PABPC1: variants seen among roughly 807,000 people sequenced by gnomAD.
The protein encoded by PABPC1 is polyadenylate-binding protein 1.
A neutral mutation model predicts 74.0 loss-of-function variants in PABPC1; 4 were observed. The ratio of observed to expected loss-of-function variants is 0.05; its 90% confidence interval spans 0.03 to 0.12. The LOEUF (loss-of-function observed/expected upper bound fraction) is 0.12. Among genes scored for constraint, PABPC1 ranks in the 10% least tolerant of loss-of-function variants. The pLI, the probability that PABPC1 is intolerant of heterozygous loss-of-function variation, is 1.00. For missense variants in PABPC1, 271 were observed against 821.1 expected (o/e 0.33, Z 8.19); for synonymous variants, 227 against 264.1 (o/e 0.86, Z 1.36).
At chr8:100,713,288 C>T (rs1004793582) in intron 4 of PABPC1, 107 bp from the exon 5 acceptor site, 2 of 576,784 alleles carry the variant, frequency 3.5e-6, no homozygotes, top group Non-Finnish European at 2.9e-6. Context: ...AGCTCCGTAA[C>T]TTGACTCCTC....
chr8:100,705,709 C>T, intron 11 of PABPC1, 36 bp from the exon 12 acceptor site: 1 of 1,387,530 alleles, frequency 7.2e-7, no homozygotes, highest in Non-Finnish European at 1.0e-6. Context: ...GTTTAAAGCA[C>T]AGAAAAAGAT....
chr8:100,720,497 T>C (rs1810790789), intron 1 of PABPC1, among the ~76,000 whole-genome samples: 1 of 152,172 alleles, frequency 6.6e-6, no homozygotes, highest in Admixed American at 6.5e-5. Flanking sequence ...AAAGTAACAT[T>C]TTATAGCCAA....
chr8:100,709,288 T>C, intron 8 of PABPC1, 65 bp from the exon 9 acceptor site: 3 of 1,503,116 alleles, frequency 2.0e-6, no homozygotes, highest in Admixed American at 1.7e-5. Flanking sequence ...CAATAAATTA[T>C]ATGTACTTTT....
Position 100,712,670 on chromosome 8 carries a change from A to G in PABPC1, c.858T>C (p.Asp286=), listed in dbSNP as rs1233732452. 6.2e-7 allele frequency: 1 copy of G among 1,605,416 alleles called. No individual in the cohort carries two copies. Among genetic ancestry groups the G allele is most frequent in the East Asian group, 2.3e-5 (1 of 43,546 alleles). ...AATGAACCTGGTATCTGGTGATCCTATCTTGTTTCATCTGTTCAAATTTGC... is the reference window on the plus strand; with the variant it reads ...AATGAACCTGGTATCTGGTGATCCTGTCTTGTTTCATCTGTTCAAATTTGC... The part of the protein sequence containing the change: ...LKRKFEQMKQ[D]RITRYQGVNL... Residue 286 remains aspartate, a synonymous_variant, in exon 6 of 15, where the codon GAT becomes GAC. Coordinates refer to ENST00000318607, the MANE Select transcript of PABPC1 (RefSeq NM_002568.4).
At position 100,721,723 on chromosome 8, in the gene PABPC1, A is replaced by C; in HGVS notation, c.-140T>G. On this transcript the variant is annotated 5_prime_UTR_variant, in exon 1 of 15. Transcript: ENST00000318607. The surrounding 1 kb of genome is among the most constrained non-coding windows in gnomAD (Gnocchi z 7.4). ...GGGACAAAAATCAACCGGAATTGAA[A>C]ACTACTCAACGGCCGCAGAACGGGG... 1 of 682,072 alleles carries C rather than the reference A, an allele frequency of 1.5e-6. No individual in the cohort carries two copies. The highest frequency in any genetic ancestry group is 2.2e-6 in the Non-Finnish European group (1 of 445,096). 42.3% of individuals were successfully genotyped at this position (682,072 alleles called of 1,614,324 possible).
intron 1 of PABPC1, among the ~76,000 whole-genome samples, chr8:100,720,372 T>G (rs930781441): frequency 6.6e-6 from 1 of 152,212 alleles, no homozygotes; most frequent in African/African-American, 2.4e-5. Context: ...CTCCGTTATT[T>G]TGTACTCAGT....
At position 100,711,236 on chromosome 8, in the gene PABPC1, C is replaced by T. The variant is rs541265538; in HGVS notation, c.972+1126G>A. Among the ~76,000 whole-genome samples, 4 of 152,002 alleles carry T rather than the reference C, an allele frequency of 2.6e-5. No homozygotes were observed. In the South Asian group the frequency reaches 6.2e-4, roughly 24 times the overall value. ...CGGAGGCTGCAGTGAGCTGAGATTG[C>T]ACCACCGCACTCCAGCCCAGGCGAG... On this transcript the variant is annotated intron_variant, in intron 7 of 14. Coordinates refer to ENST00000318607, the MANE Select transcript of PABPC1 (RefSeq NM_002568.4).
At chr8:100,716,015 G>A (rs527820995) in intron 3 of PABPC1, among the ~76,000 whole-genome samples, 12 of 152,332 alleles carry the variant, frequency 7.9e-5, no homozygotes, top group African/African-American at 2.6e-4. Flanking sequence ...TCCCAATCGT[G>A]TACTCTAACA....
At chr8:100,715,144 CACACACACACACACAT>C (rs1330911617) in intron 4 of PABPC1, among the ~76,000 whole-genome samples, 26 of 138,062 alleles carry the variant, frequency 1.9e-4, no homozygotes, top group East Asian at 4.2e-4. Context: ...CACACACACA[CACACACACACACACAT>C]ATATATCTCC....
intron 7 of PABPC1, 57 bp from the exon 8 acceptor site, chr8:100,709,788 G>A (rs144069540): frequency 1.3e-6 from 2 of 1,486,040 alleles, no homozygotes; most frequent in South Asian, 1.3e-5. Flanking sequence ...AGCAAAAAAA[G>A]AGCGTTACAA....
chr8:100,718,954 A>G (rs956077938), intron 1 of PABPC1, among the ~76,000 whole-genome samples: 1 of 152,206 alleles, frequency 6.6e-6, no homozygotes, highest in Non-Finnish European at 1.5e-5. Flanking sequence ...AGAATTTTAA[A>G]AACACCAGGT....
rs749534411 is a variant in PABPC1, at chr8:100,713,041, A to C, written c.738+46T>G. The C allele has an allele frequency of 2.2e-6, 3 of 1,346,826 alleles. No individual in the cohort carries two copies. The Admixed American group carries it at 6.2e-5, about 28-fold the overall frequency. 83.4% of individuals were successfully genotyped at this position (1,346,826 alleles called of 1,614,324 possible). A position where few individuals can be genotyped will look rare whatever the true frequency, so the allele number is the denominator to read the frequency against. On this transcript the variant is annotated intron_variant, in intron 5 of 14. Transcript: ENST00000318607. Reference sequence around the variant, plus strand: ...GCACATAGACTTCAACACAAGAGCAACTCAACTTTGTACCCCCTTCTTCCT... The same window carrying C: ...GCACATAGACTTCAACACAAGAGCACCTCAACTTTGTACCCCCTTCTTCCT...
intron 13 of PABPC1, 76 bp from the exon 14 acceptor site, chr8:100,704,466 A>G (rs1225185073): frequency 8.6e-7 from 1 of 1,161,274 alleles, no homozygotes; most frequent in Non-Finnish European, 1.3e-6. Context: ...TAACATACCA[A>G]TTCCCAACAA....
chr8:100,720,694 C>T (rs1027925921), intron 1 of PABPC1, among the ~76,000 whole-genome samples: 16 of 152,196 alleles, frequency 1.1e-4, no homozygotes, highest in African/African-American at 3.4e-4. Flanking sequence ...CCACTCTGCC[C>T]TTTTAATGTT....
At chr8:100,712,179 A>C (rs939763238) in intron 7 of PABPC1, among the ~76,000 whole-genome samples, 183 bp downstream of exon 7, 2 of 152,256 alleles carry the variant, frequency 1.3e-5, no homozygotes, top group African/African-American at 4.8e-5. Context: ...CAAAGAGTTC[A>C]GTGCTTGCCA....
intron 1 of PABPC1, 74 bp from the exon 2 acceptor site, chr8:100,718,354 G>T: frequency 8.4e-7 from 1 of 1,194,088 alleles, no homozygotes; most frequent in Non-Finnish European, 1.2e-6. Context: ...TATAAACTAT[G>T]GTGACTGGAG....
At position 100,709,445 on chromosome 8, in the gene PABPC1, C is replaced by T. The variant is rs755208555; in HGVS notation, c.1245+14G>A. ...CGAAAACCTTCATGGTTCTGGTTGC[C>T]TTCTAAAACCTACCTGTGGGATAGC... On this transcript the variant is annotated intron_variant, in intron 8 of 14. Transcript: ENST00000318607. The T allele has an allele frequency of 3.9e-6, 6 of 1,529,816 alleles. No individual in the cohort carries two copies. The highest frequency in any genetic ancestry group is 1.7e-4 in the Middle Eastern group (1 of 5,744). The allele number at this position is 1,529,816 out of a possible 1,614,324, so 94.8% of individuals were successfully genotyped here.
intron 11 of PABPC1, 116 bp from the exon 12 acceptor site, chr8:100,705,789 A>T (rs1810363246): frequency 1.4e-6 from 1 of 704,522 alleles, no homozygotes. Context: ...TGAGGTGGAG[A>T]AGTTGAGTGA....
chr8:100,707,555 T>A (rs999807172), intron 9 of PABPC1, among the ~76,000 whole-genome samples: 4 of 152,186 alleles, frequency 2.6e-5, no homozygotes, highest in African/African-American at 9.7e-5. Flanking sequence ...TTTCTGCATA[T>A]TAGAGACTTT....
Sources: allele counts gnomAD v4.1 joint callset (sites outside exome capture counted in the v4.1 genomes callset), GRCh38; gene constraint gnomAD v4.1.1; non-coding constraint Gnocchi (gnomAD v3.1); transcripts MANE v1.5; gene names NCBI Gene and HGNC (gene_info 2026-07-23, HGNC 2026-07-21).